The following GFER variants were observed in gnomAD, a reference collection of about 807,000 sequenced individuals.
The protein encoded by GFER is FAD-linked sulfhydryl oxidase ALR.
A neutral mutation model predicts 18.2 loss-of-function variants in GFER; 24 were observed. The observed-to-expected ratio is 1.32, with a 90% CI of 0.96 to 1.86. The LOEUF is 1.86. Among genes scored for constraint, GFER ranks in the 40% most tolerant of loss-of-function variants. The pLI is 0.00. For synonymous variants in GFER, 138 were observed against 126.9 expected (o/e 1.09, Z -0.59); for missense variants, 316 against 295.6 (o/e 1.07, Z -0.51).
At position 1,985,939 on chromosome 16, in the gene GFER, G is replaced by C. The variant is rs1220148687; in HGVS notation, c.529G>C (p.Val177Leu). The C allele has an allele frequency of 6.2e-7, 1 of 1,613,134 alleles. No homozygotes were observed. The highest frequency in any genetic ancestry group is 8.5e-7 in the Non-Finnish European group (1 of 1,180,006). ...GTGGCTGTGCCACCTGCACAATGAA[G>C]TGAACCGCAAGCTGGGCAAGCCTGA... ...TQWLCHLHNEVNRKLGKPDFD... is the reference protein window; with the variant it reads ...TQWLCHLHNELNRKLGKPDFD... The change falls in exon 3 of 3, where the codon GTG (valine) becomes CTG (leucine). Residue 177 changes from valine (V) to leucine (L), a missense_variant. Coordinates refer to ENST00000248114, the MANE Select transcript of GFER (RefSeq NM_005262.3).
At chr16:1,985,731 C>G (rs1162578419) in intron 2 of GFER, 135 bp from the exon 3 acceptor site, 7 of 856,658 alleles carry the variant, frequency 8.2e-6, no homozygotes, top group Non-Finnish European at 1.2e-5. Context: ...GTGCCTGTAC[C>G]TTGGAGCATA....
In GFER at chr16:1,984,812, T is replaced by G; in HGVS notation, c.324T>G (p.Ala108=). The G allele has an allele frequency of 1.9e-6, 3 of 1,613,272 alleles. No individual in the cohort carries two copies. The South Asian group carries it at 3.3e-5, about 18-fold the overall frequency. The change falls in exon 2 of 3, where the codon GCT becomes GCG. Residue 108 remains alanine, a synonymous_variant. Transcript: ENST00000248114. ...AGGAACTGGGCCGCCACAGCTGGGC[T>G]GTCCTCCACACCCTGGCCGCCTACT... The part of the protein sequence containing the change: ...DREELGRHSW[A]VLHTLAAYYP...
Position 1,985,984 on chromosome 16 carries a change from G to T in GFER, c.574G>T (p.Asp192Tyr). ...GKPDFDCSKVDERWRDGWKDG... is the reference protein window; with the variant it reads ...GKPDFDCSKVYERWRDGWKDG... ...GCCTGACTTCGACTGCTCAAAAGTG[G>T]ATGAGCGCTGGCGCGACGGCTGGAA... The change falls in exon 3 of 3, where the codon GAT becomes TAT. Residue 192 changes from aspartate to tyrosine, a missense_variant. Coordinates refer to ENST00000248114, the MANE Select transcript of GFER (RefSeq NM_005262.3). 1.2e-6 allele frequency: 2 copies of T among 1,613,146 alleles called. No individual in the cohort carries two copies. Among genetic ancestry groups the T allele is most frequent in the Non-Finnish European group, 1.7e-6 (2 of 1,180,024 alleles).
At chr16:1,984,564 G>T in intron 1 of GFER, 88 bp downstream of exon 1, 1 of 1,454,136 alleles carries the variant, frequency 6.9e-7, no homozygotes, top group East Asian at 2.4e-5. Flanking sequence ...TCCCAGGGTT[G>T]CCTGTCCCTG....
At position 1,984,473 on chromosome 16, in the gene GFER, G is replaced by A; in HGVS notation, c.255G>A (p.Gln85=). 2 of 1,558,860 alleles carry A rather than the reference G, an allele frequency of 1.3e-6. No homozygotes were observed. Among genetic ancestry groups the A allele is most frequent in the Admixed American group, 3.7e-5 (2 of 53,418 alleles). The change falls in exon 1 of 3, where the codon CAG becomes CAA. Residue 85 remains glutamine (Q), a synonymous_variant. Coordinates refer to ENST00000248114, the MANE Select transcript of GFER (RefSeq NM_005262.3). Reference sequence around the variant, plus strand: ...TCAAGACGTGGATGCGGACGCAGCAGAAGGTGCAGTTCCCTGCCCGATTTC... The same window carrying A: ...TCAAGACGTGGATGCGGACGCAGCAAAAGGTGCAGTTCCCTGCCCGATTTC... ...VDFKTWMRTQ[Q]KRDTKFREDC...
Position 1,987,702 on chromosome 16 carries a change from TCTTC to T in GFER, c.*1678_*1681del, listed in dbSNP as rs1441513887. 1 of 143,846 alleles carries T rather than the reference TCTTC, an allele frequency of 7.0e-6. No individual in the cohort carries two copies. The highest frequency in any genetic ancestry group is 1.5e-5 in the Non-Finnish European group (1 of 65,400). 8.9% of individuals were successfully genotyped at this position (143,846 alleles called of 1,614,324 possible). ...CCCCACCGCCTTCCCTTTTTCCCTG[TCTTC>T]CTTAAAGTTTCACTCCTGAATAAAA... is the stretch of plus-strand genomic sequence containing the variant. On this transcript the variant is annotated 3_prime_UTR_variant, in exon 3 of 3. Transcript: ENST00000248114.
chr16:1,986,131 T>A lies in GFER; in HGVS notation c.*103T>A. 1 of 1,268,466 alleles carries A rather than the reference T, an allele frequency of 7.9e-7. No homozygotes were observed. Among genetic ancestry groups the A allele is most frequent in the Non-Finnish European group, 1.1e-6 (1 of 884,608 alleles). The allele number at this position is 1,268,466 out of a possible 1,614,324, so 78.6% of individuals were successfully genotyped here. A position where few individuals can be genotyped will look rare whatever the true frequency, so the allele number is the denominator to read the frequency against. On this transcript the variant is annotated 3_prime_UTR_variant, in exon 3 of 3. Coordinates refer to ENST00000248114, the MANE Select transcript of GFER (RefSeq NM_005262.3). ...ACAGCCAGAGCCTGTTGTGTCTCAG[T>A]TGGGTGGTCCCCAGGACACTGCCTG...
At chr16:1,984,712 G>A (rs2083553810) in intron 1 of GFER, 35 bp from the exon 2 acceptor site, 3 of 1,582,696 alleles carry the variant, frequency 1.9e-6, no homozygotes. Flanking sequence ...TTTGTTCGGA[G>A]AATGAACTCA....
intron 1 of GFER, 89 bp from the exon 2 acceptor site, chr16:1,984,658 A>G (rs1264481418): frequency 2.8e-6 from 4 of 1,405,384 alleles, no homozygotes; most frequent in Non-Finnish European, 4.0e-6. Context: ...GCCGGAGTCC[A>G]GTGGGCCACC....
At chr16:1,984,508 CG>C in intron 1 of GFER, 32 bp downstream of exon 1, 2 of 1,548,738 alleles carry the variant, frequency 1.3e-6, no homozygotes, top group Non-Finnish European at 1.7e-6. Flanking sequence ...CTCCCAGCCC[CG>C]CGCAGCCCCT....
Position 1,986,110 on chromosome 16 carries a change from C to T in GFER, c.*82C>T. The T allele has an allele frequency of 1.4e-6, 2 of 1,403,724 alleles. No individual in the cohort carries two copies. The highest frequency in any genetic ancestry group is 1.9e-4 in the Middle Eastern group (1 of 5,180). The allele number at this position is 1,403,724 out of a possible 1,614,324, so 87.0% of individuals were successfully genotyped here. A position where few individuals can be genotyped will look rare whatever the true frequency, so the allele number is the denominator to read the frequency against. On this transcript the variant is annotated 3_prime_UTR_variant, in exon 3 of 3. Transcript: ENST00000248114. ...GGGCACTCATTAAAGTGCATCACAG[C>T]CAGAGCCTGTTGTGTCTCAGTTGGG...
Position 1,984,825 on chromosome 16 carries a change from C to G in GFER, c.337C>G (p.Leu113Val). The G allele has an allele frequency of 6.2e-7, 1 of 1,613,472 alleles. No individual in the cohort carries two copies. ...GRHSWAVLHT[L>V]AAYYPDLPTP... ...CCACAGCTGGGCTGTCCTCCACACC[C>G]TGGCCGCCTACTACCCCGACCTGCC... The change falls in exon 2 of 3, where the codon CTG becomes GTG. Residue 113 changes from leucine (L) to valine (V), a missense_variant. Coordinates refer to ENST00000248114, the MANE Select transcript of GFER (RefSeq NM_005262.3).
At chr16:1,985,648 T>G (rs1205856061) in intron 2 of GFER, among the ~76,000 whole-genome samples, 1 of 152,214 alleles carries the variant, frequency 6.6e-6, no homozygotes, top group Non-Finnish European at 1.5e-5. Flanking sequence ...TGCCAAGCTG[T>G]CCAGGTGGGT....
rs765134997 is a variant in GFER, at chr16:1,984,375, C to G, written c.157C>G (p.Gln53Glu). 1.3e-6 allele frequency: 2 copies of G among 1,530,956 alleles called. No individual in the cohort carries two copies. The highest frequency in any genetic ancestry group is 2.4e-5 in the South Asian group (2 of 83,786). The allele number at this position is 1,530,956 out of a possible 1,614,324, so 94.8% of individuals were successfully genotyped here. ...GGCCGCCTCGGCCTCGACGCCAGCC[C>G]AGGCGCCGACCTCCGATTCTCCTGT... ...DAAASASTPA[Q>E]APTSDSPVAE... The change falls in exon 1 of 3, where the codon CAG becomes GAG. Residue 53 changes from glutamine to glutamate, a missense_variant. Transcript: ENST00000248114.
Position 1,984,259 on chromosome 16 carries a change from A to T in GFER, c.41A>T (p.Asn14Ile). The T allele has an allele frequency of 6.8e-7, 1 of 1,478,684 alleles. No homozygotes were observed. The highest frequency in any genetic ancestry group is 8.9e-7 in the Non-Finnish European group (1 of 1,121,874). 91.6% of individuals were successfully genotyped at this position (1,478,684 alleles called of 1,614,324 possible). ...PGERGRFHGG[N>I]LFFLPGGARS... ...GAGCGGGGCCGCTTCCACGGCGGGA[A>T]CCTCTTCTTCCTGCCGGGGGGCGCG... Residue 14 changes from asparagine to isoleucine, a missense_variant, in exon 1 of 3, where the codon AAC becomes ATC. By Grantham distance (149) the Asn-to-Ile change is moderately radical. Coordinates refer to ENST00000248114, the MANE Select transcript of GFER (RefSeq NM_005262.3).
rs745746499 is a variant in GFER at position 1,984,738 on chromosome 16, C to G, written c.259-9C>G. The G allele has an allele frequency of 6.2e-7, 1 of 1,605,258 alleles. No homozygotes were observed. The highest frequency in any genetic ancestry group is 8.5e-7 in the Non-Finnish European group (1 of 1,179,204). ...AATGAACTCACTCTCGGTCGGCCTG[C>G]TTCCGCAGCGGGACACCAAGTTTAG... is the stretch of plus-strand genomic sequence containing the variant. On this transcript the variant is annotated splice_polypyrimidine_tract_variant and intron_variant, in intron 1 of 2. Transcript: ENST00000248114.
intron 2 of GFER, 189 bp downstream of exon 2, chr16:1,985,132 G>T (rs2083557435): frequency 1.5e-6 from 1 of 651,016 alleles, no homozygotes; most frequent in Non-Finnish European, 2.8e-6. Context: ...AAGCCAAGCT[G>T]TCGGGATCTG....
Position 1,984,843 on chromosome 16 carries a change from G to C in GFER, c.355G>C (p.Asp119His), listed in dbSNP as rs780196676. ...CCACACCCTGGCCGCCTACTACCCC[G>C]ACCTGCCCACCCCAGAACAGCAGCA... ...VLHTLAAYYP[D>H]LPTPEQQQDM... Residue 119 changes from aspartate (D) to histidine (H), a missense_variant, in exon 2 of 3, where the codon GAC becomes CAC. By Grantham distance (81) the Asp-to-His change is moderately conservative. Coordinates refer to ENST00000248114, the MANE Select transcript of GFER (RefSeq NM_005262.3). The C allele has an allele frequency of 1.9e-6, 3 of 1,613,578 alleles. No homozygotes were observed. Among genetic ancestry groups the C allele is most frequent in the Non-Finnish European group, 2.5e-6 (3 of 1,179,892 alleles).
In GFER at chr16:1,984,354, G is replaced by C. The variant is rs1355612442; in HGVS notation, c.136G>C (p.Ala46Pro). The C allele has an allele frequency of 6.6e-7, 1 of 1,511,888 alleles. No homozygotes were observed. 93.7% of individuals were successfully genotyped at this position (1,511,888 alleles called of 1,614,324 possible). ...GRGAGRRDAAASASTPAQAPT... is the reference protein window; with the variant it reads ...GRGAGRRDAAPSASTPAQAPT... ...GGGCGCGGGGCGGAGAGACGCGGCCGCCTCGGCCTCGACGCCAGCCCAGGC... is the reference window on the plus strand; with the variant it reads ...GGGCGCGGGGCGGAGAGACGCGGCCCCCTCGGCCTCGACGCCAGCCCAGGC... The change falls in exon 1 of 3, where the codon GCC becomes CCC. Residue 46 changes from alanine (A) to proline (P), a missense_variant. By Grantham distance (27) the Ala-to-Pro change is conservative (BLOSUM62 -1). Transcript: ENST00000248114.
Sources: gnomAD v4.1 joint callset for allele counts (sites outside exome capture counted in the v4.1 genomes callset) on GRCh38, gnomAD v4.1.1 for gene constraint, MANE v1.5 for transcripts, NCBI Gene and HGNC (gene_info 2026-07-23, HGNC 2026-07-21) for gene names.